SPECC1: variants seen among roughly 807,000 people sequenced by gnomAD.
SPECC1 encodes the protein cytospin-B.
SPECC1 carries 62 observed loss-of-function variants against 104.1 expected under a neutral mutation model. The observed-to-expected ratio is 0.60, with a 90% CI of 0.49 to 0.74. The LOEUF (loss-of-function observed/expected upper bound fraction) is 0.74, where lower values mean the gene tolerates loss of function less well. Among genes scored for constraint, SPECC1 ranks in the 30% least tolerant of loss-of-function variants. The pLI is 0.00. For missense variants in SPECC1, 1,306 were observed against 1,310.5 expected, an observed-to-expected ratio of 1.00 and a Z score of 0.05; for synonymous variants, 513 against 501.6, an observed-to-expected ratio of 1.02 and a Z score of -0.30.
At chr17:20,170,423 T>A (rs2033999413) in intron 3 of SPECC1, among the ~76,000 whole-genome samples, 1 of 152,160 alleles carries the variant, frequency 6.6e-6, no homozygotes, top group African/African-American at 2.4e-5. Context: ...TTAAAGAAAT[T>A]ATTTTAGTAC....
intron 1 of SPECC1, among the ~76,000 whole-genome samples, chr17:20,059,225 G>T (rs1307250236): frequency 6.6e-6 from 1 of 151,958 alleles, no homozygotes; most frequent in Admixed American, 6.6e-5. Context: ...ATCAATGGGA[G>T]CCCTGAGGTT....
At chr17:20,077,336 T>A (rs2046797453) in intron 1 of SPECC1, among the ~76,000 whole-genome samples, 1 of 152,216 alleles carries the variant, frequency 6.6e-6, no homozygotes, top group African/African-American at 2.4e-5. Flanking sequence ...TATTTTATGA[T>A]TTTCTCTTTT....
intron 12 of SPECC1, among the ~76,000 whole-genome samples, chr17:20,269,202 A>C (rs2040316956): frequency 6.6e-6 from 1 of 152,370 alleles, no homozygotes. Flanking sequence ...GGCTCTCTTT[A>C]GCAAGGCTGC....
intron 12 of SPECC1, among the ~76,000 whole-genome samples, chr17:20,293,069 TACATGTG>T (rs1279908456): frequency 2.6e-5 from 4 of 152,208 alleles, no homozygotes; most frequent in African/African-American, 9.6e-5. Flanking sequence ...AGGTAAACCC[TACATGTG>T]ACATGTGACA....
At chr17:20,081,589 A>C (rs2046976181) in intron 1 of SPECC1, among the ~76,000 whole-genome samples, 1 of 152,006 alleles carries the variant, frequency 6.6e-6, no homozygotes, top group Non-Finnish European at 1.5e-5. Context: ...CATTGTGGTT[A>C]GTGTGGAAAG....
intron 3 of SPECC1, among the ~76,000 whole-genome samples, chr17:20,151,417 A>G (rs928908088): frequency 2.2e-4 from 34 of 152,184 alleles, no homozygotes; most frequent in African/African-American, 7.2e-4. Context: ...CATCCTGTCT[A>G]CAAAGCCCAT....
intron 4 of SPECC1, among the ~76,000 whole-genome samples, chr17:20,217,795 A>G (rs1198150917): frequency 1.3e-5 from 2 of 152,132 alleles, no homozygotes; most frequent in South Asian, 2.1e-4. Flanking sequence ...CATGCCTGTA[A>G]TCCCAGCACT....
intron 4 of SPECC1, among the ~76,000 whole-genome samples, chr17:20,218,678 A>G (rs2037665477): frequency 6.6e-6 from 1 of 151,414 alleles, no homozygotes; most frequent in African/African-American, 2.4e-5. Flanking sequence ...AGGTATATAT[A>G]TTTATGGGGT....
At chr17:20,283,863 A>G (rs1175022285) in intron 12 of SPECC1, among the ~76,000 whole-genome samples, 1 of 152,174 alleles carries the variant, frequency 6.6e-6, no homozygotes, top group African/African-American at 2.4e-5. Flanking sequence ...TGCTAGGATT[A>G]TAGGCATGAG....
intron 3 of SPECC1, among the ~76,000 whole-genome samples, chr17:20,142,344 G>T (rs1197351959): frequency 6.6e-6 from 1 of 152,112 alleles, no homozygotes; most frequent in East Asian, 1.9e-4. Context: ...TTGAAAGCAG[G>T]AACTTGAAAA....
At chr17:20,266,780 G>A (rs2040233494) in intron 12 of SPECC1, among the ~76,000 whole-genome samples, 1 of 152,198 alleles carries the variant, frequency 6.6e-6, no homozygotes, top group South Asian at 2.1e-4. Flanking sequence ...GGAATGTTGG[G>A]TGAATGGTAC....
In SPECC1 at chr17:20,102,408, A is replaced by G. The variant is rs1431967564; in HGVS notation, c.147+5610A>G. Among the ~76,000 whole-genome samples, 4 of 151,994 alleles carry G rather than the reference A, an allele frequency of 2.6e-5. No homozygotes were observed. The East Asian group carries it at 7.7e-4, about 29-fold the overall frequency. On this transcript the variant is annotated intron_variant, in intron 2 of 14. Coordinates refer to ENST00000395527, the MANE Select transcript of SPECC1 (RefSeq NM_001243439.2). ...CCTTGAAAGCTTTGCTGCTACCCAA[A>G]CTCCATGCCCTATGGGAGGGAGGTG...
In SPECC1 at chr17:20,116,913, C is replaced by T. The variant is rs116934019; in HGVS notation, c.283+6351C>T. On this transcript the variant is annotated intron_variant, in intron 3 of 14. Coordinates refer to ENST00000395527, the MANE Select transcript of SPECC1 (RefSeq NM_001243439.2). The stretch of plus-strand genomic sequence containing the variant: ...CTAAACATCCTAGGATGCGCAGGAC[C>T]GTCCCTGCAGTGGAGAGTGTCCTGC... 7.7e-4 allele frequency among the ~76,000 whole-genome samples: 114 copies of T among 148,142 alleles called. 6 individuals carry two copies. In the East Asian group the frequency reaches 0.021, roughly 27 times the overall value.
At chr17:20,142,440 A>G (rs1414252694) in intron 3 of SPECC1, among the ~76,000 whole-genome samples, 1 of 152,240 alleles carries the variant, frequency 6.6e-6, no homozygotes, top group Non-Finnish European at 1.5e-5. Context: ...ACAGATGCGT[A>G]GATCAACAAA....
At chr17:20,030,551 A>G (rs1258800209) in intron 1 of SPECC1, among the ~76,000 whole-genome samples, 1 of 152,102 alleles carries the variant, frequency 6.6e-6, no homozygotes, top group Non-Finnish European at 1.5e-5. Context: ...GTATATTTCT[A>G]TATATGTTAT....
At chr17:20,185,457 T>C (rs72830179) in intron 3 of SPECC1, among the ~76,000 whole-genome samples, 8,034 of 152,306 alleles carry the variant, frequency 0.053, 295 homozygotes, top group Non-Finnish European at 0.079. Flanking sequence ...TACCACATGG[T>C]GCTCCAGCCC....
intron 3 of SPECC1, among the ~76,000 whole-genome samples, chr17:20,146,909 A>G (rs2152564244): frequency 6.9e-6 from 1 of 144,684 alleles, no homozygotes; most frequent in East Asian, 2.3e-4. Context: ...TCTGTCTCAA[A>G]AAACAAAACA....
chr17:20,064,153 G>C (rs570984595), intron 1 of SPECC1, among the ~76,000 whole-genome samples: 22 of 152,180 alleles, frequency 1.4e-4, no homozygotes, highest in Admixed American at 1.2e-3. Flanking sequence ...ACAGGAGTCG[G>C]GGCTTCAGCT....
chr17:20,302,600 A>G (rs916710141), intron 13 of SPECC1, among the ~76,000 whole-genome samples: 4 of 151,606 alleles, frequency 2.6e-5, no homozygotes, highest in African/African-American at 9.7e-5. Context: ...GTCACCCTGT[A>G]TACTATTTCA....
Sources: allele counts gnomAD v4.1 joint callset (sites outside exome capture counted in the v4.1 genomes callset), GRCh38; gene constraint gnomAD v4.1.1; transcripts MANE v1.5; gene names NCBI Gene and HGNC (gene_info 2026-07-23, HGNC 2026-07-21).